DET1: variants seen among roughly 807,000 people sequenced by gnomAD.
DET1 encodes DET1 partner of COP1 E3 ubiquitin ligase, also known as DET1 homolog.
DET1 carries 22 observed loss-of-function variants against 43.7 expected under a neutral mutation model. The observed-to-expected ratio is 0.50, with a 90% CI of 0.36 to 0.72. The LOEUF (loss-of-function observed/expected upper bound fraction) is 0.72, where lower values mean the gene tolerates loss of function less well. Ranked by LOEUF, DET1 falls within the 30% of genes least tolerant of loss-of-function variation. The pLI is 0.00. For synonymous variants in DET1, 315 were observed against 266.2 expected, an observed-to-expected ratio of 1.18 and a Z score of -1.79; for missense variants, 713 against 713.3, an observed-to-expected ratio of 1.00 and a Z score of 0.00.
At chr15:88,517,229 T>G (rs1391858088) in intron 3 of DET1, among the ~76,000 whole-genome samples, 2 of 150,222 alleles carry the variant, frequency 1.3e-5, no homozygotes, top group Non-Finnish European at 3.0e-5. Context: ...TTTGGGTTTT[T>G]TTTTTTTTTT....
chr15:88,512,073 T>C (rs2056209571), downstream of DET1, among the ~76,000 whole-genome samples: 2 of 152,200 alleles, frequency 1.3e-5, no homozygotes, highest in Non-Finnish European at 2.9e-5. Context: ...GGCTCAGCCA[T>C]CCAGGAACAG....
At chr15:88,514,048 C>T (rs2056276299) in intron 4 of DET1, among the ~76,000 whole-genome samples, 1 of 149,900 alleles carries the variant, frequency 6.7e-6, no homozygotes, top group African/African-American at 2.5e-5. Context: ...ATCCGCCCGC[C>T]TCGGCCTCCC....
chr15:88,535,563 C>A (rs1258679116), intron 1 of DET1, among the ~76,000 whole-genome samples: 1 of 152,072 alleles, frequency 6.6e-6, no homozygotes, highest in Non-Finnish European at 1.5e-5. Flanking sequence ...CAAGACCAGC[C>A]TGGGCATCAT....
Position 88,513,130 on chromosome 15 carries a change from G to A in DET1, c.1474C>T (p.Arg492Trp), listed in dbSNP as rs777263695. The part of the protein sequence containing the change: ...CGDHPIRFYA[R>W]DSGLLKFEIQ... ...TCAAACTTGAGCAGGCCCGAGTCCC[G>A]GGCATAGAACCTAAAAAGAACAAGG... Residue 492 changes from arginine (R) to tryptophan (W), a missense_variant, in exon 5 of 5, where the codon CGG becomes TGG. Coordinates refer to ENST00000268148, the MANE Select transcript of DET1 (RefSeq NM_001144074.3). The A allele has an allele frequency of 1.1e-5, 17 of 1,609,630 alleles. No individual in the cohort carries two copies. Among genetic ancestry groups the A allele is most frequent in the East Asian group, 2.2e-5 (1 of 44,760 alleles).
At chr15:88,530,344 C>T (rs575626592) in intron 2 of DET1, among the ~76,000 whole-genome samples, 8 of 152,248 alleles carry the variant, frequency 5.3e-5, no homozygotes, top group East Asian at 3.9e-4. Context: ...AGCATTTGGG[C>T]TTCCATCTCA....
chr15:88,515,102 G>A (rs1281126493), intron 4 of DET1, among the ~76,000 whole-genome samples: 1 of 152,040 alleles, frequency 6.6e-6, no homozygotes, highest in African/African-American at 2.4e-5. Context: ...CAGGACATAT[G>A]GGTAAATAAG....
chr15:88,544,441 C>A (rs982976269), intron 1 of DET1, among the ~76,000 whole-genome samples: 3 of 152,156 alleles, frequency 2.0e-5, no homozygotes, highest in African/African-American at 7.2e-5. Context: ...AGAAATATCA[C>A]AAGCTAATTT....
At chr15:88,503,164 T>G (rs1160833734) in intron 8 of DET1, 2 of 152,094 alleles carry the variant, frequency 1.3e-5, no homozygotes. Context: ...CTTGGGAGAC[T>G]GGGGCATGAG....
intron 3 of DET1, among the ~76,000 whole-genome samples, chr15:88,522,886 CTTT>C (rs144486649): frequency 2.9e-5 from 4 of 138,450 alleles, no homozygotes; most frequent in Non-Finnish European, 3.1e-5. Flanking sequence ...TTTTCTTCTT[CTTT>C]TTTTTTTTTT....
intron 4 of DET1, among the ~76,000 whole-genome samples, chr15:88,515,432 G>T (rs2056314509): frequency 6.7e-6 from 1 of 150,342 alleles, no homozygotes; most frequent in Admixed American, 6.6e-5. Context: ...CCAGCTACTT[G>T]GGAAGCTGAG....
In DET1 at chr15:88,530,870, C is replaced by G. The variant is rs754018534; in HGVS notation, c.836G>C (p.Ser279Thr). ...SAVFPEVQRDSQTGMANPFRD... is the reference protein window; with the variant it reads ...SAVFPEVQRDTQTGMANPFRD... The stretch of plus-strand genomic sequence containing the variant: ...AAAGGGATTGGCCATGCCTGTCTGA[C>G]TGTCCCGCTGTACCTCAGGGAAAAC... The change falls in exon 2 of 5, where the codon AGT (serine) becomes ACT (threonine). Residue 279 changes from serine (S) to threonine (T), a missense_variant. Coordinates refer to ENST00000268148, the MANE Select transcript of DET1 (RefSeq NM_001144074.3). 4 of 1,613,910 alleles carry G rather than the reference C, an allele frequency of 2.5e-6. No homozygotes were observed. Among genetic ancestry groups the G allele is most frequent in the Middle Eastern group, 1.6e-4 (1 of 6,084 alleles).
At chr15:88,541,955 T>C (rs2057119421) in intron 1 of DET1, among the ~76,000 whole-genome samples, 1 of 152,192 alleles carries the variant, frequency 6.6e-6, no homozygotes, top group Non-Finnish European at 1.5e-5. Flanking sequence ...GCCCCTCTAC[T>C]ACCACTGAGA....
At chr15:88,545,699 T>C (rs1417606175) in intron 1 of DET1, among the ~76,000 whole-genome samples, 3 of 150,790 alleles carry the variant, frequency 2.0e-5, no homozygotes, top group Non-Finnish European at 4.4e-5. Context: ...ATGATTTGAT[T>C]CCCCAAAAAC....
intron 1 of DET1, among the ~76,000 whole-genome samples, chr15:88,543,563 TCA>T (rs1453687310): frequency 6.6e-6 from 1 of 152,198 alleles, no homozygotes; most frequent in Non-Finnish European, 1.5e-5. Flanking sequence ...GCCGCTGTGT[TCA>T]CAGATGGTAG....
chr15:88,509,869 C>A (rs1346111133), downstream of DET1, among the ~76,000 whole-genome samples: 1 of 152,208 alleles, frequency 6.6e-6, no homozygotes, highest in Non-Finnish European at 1.5e-5. Context: ...CCACACTCAT[C>A]CTCTCCCTAT....
intron 3 of DET1, among the ~76,000 whole-genome samples, chr15:88,524,495 G>T: frequency 6.6e-6 from 1 of 152,254 alleles, no homozygotes. Context: ...CCATGATGAC[G>T]ATGGCGGTTT....
intron 3 of DET1, among the ~76,000 whole-genome samples, chr15:88,525,531 C>A (rs191020498): frequency 1.3e-5 from 2 of 152,308 alleles, no homozygotes; most frequent in South Asian, 2.1e-4. Flanking sequence ...AGAGCTCCTC[C>A]CACAGGGCAG....
In DET1 at chr15:88,531,252, G is replaced by A. The variant is rs774580549; in HGVS notation, c.454C>T (p.Arg152Cys). The part of the protein sequence containing the change: ...RECSLFTDDC[R>C]CVIVGSAAYL... ...GCAGCTGAGCCCACGATGACACAGC[G>A]GCAGTCATCAGTGAAGAGACTACAC... The change falls in exon 2 of 5, where the codon CGC (arginine) becomes TGC (cysteine). Residue 152 changes from arginine to cysteine, a missense_variant. Coordinates refer to ENST00000268148, the MANE Select transcript of DET1 (RefSeq NM_001144074.3). This position sits in a 1 kb window ranked among gnomAD's most constrained non-coding sequence, Gnocchi z 6.2. 1.5e-5 allele frequency: 25 copies of A among 1,613,764 alleles called. No individual in the cohort carries two copies. Among genetic ancestry groups the A allele is most frequent in the East Asian group, 6.7e-5 (3 of 44,876 alleles).
At chr15:88,525,304 C>T (rs1444963307) in intron 3 of DET1, among the ~76,000 whole-genome samples, 2 of 152,172 alleles carry the variant, frequency 1.3e-5, no homozygotes, top group African/African-American at 2.4e-5. Flanking sequence ...TAAAAATCGA[C>T]TTAAAAATAT....
Sources: gnomAD v4.1 joint callset for allele counts (sites outside exome capture counted in the v4.1 genomes callset) on GRCh38, gnomAD v4.1.1 for gene constraint, Gnocchi (gnomAD v3.1) non-coding constraint, MANE v1.5 for transcripts, NCBI Gene and HGNC (gene_info 2026-07-23, HGNC 2026-07-21) for gene names.